The following GPR158 variants were observed in gnomAD, a reference collection of about 807,000 sequenced individuals.
GPR158 encodes metabotropic glycine receptor.
A neutral mutation model predicts 78.2 loss-of-function variants in GPR158; 30 were observed. The ratio of observed to expected loss-of-function variants is 0.38; its 90% confidence interval spans 0.29 to 0.52. The LOEUF is 0.52. Among genes scored for constraint, GPR158 ranks in the 20% least tolerant of loss-of-function variants. The probability of loss-of-function intolerance (pLI) is 0.83; values close to 1 mark genes in which losing one functional copy is unlikely to be tolerated. For synonymous variants in GPR158, 581 were observed against 591.1 expected, an observed-to-expected ratio of 0.98 and a Z score of 0.25; for missense variants, 1,463 against 1,523.5, an observed-to-expected ratio of 0.96 and a Z score of 0.66.
At chr10:25,341,863 CAG>C (rs1004395683) in intron 2 of GPR158, among the ~76,000 whole-genome samples, 5 of 151,310 alleles carry the variant, frequency 3.3e-5, no homozygotes, top group African/African-American at 4.9e-5. Flanking sequence ...CAAAAAAAAA[CAG>C]AGCAAATGAA....
intron 7 of GPR158, among the ~76,000 whole-genome samples, chr10:25,576,034 A>G (rs967407543): frequency 1.3e-5 from 2 of 151,286 alleles, no homozygotes; most frequent in Non-Finnish European, 3.0e-5. Flanking sequence ...CATTCATTGA[A>G]GACATTGAAG....
chr10:25,435,573 G>A (rs1305948802), intron 4 of GPR158, among the ~76,000 whole-genome samples: 1 of 152,192 alleles, frequency 6.6e-6, no homozygotes, highest in Non-Finnish European at 1.5e-5. Context: ...GAGTGGAGAG[G>A]TGAGTTTGGA....
At chr10:25,445,945 A>G (rs1043774781) in intron 4 of GPR158, among the ~76,000 whole-genome samples, 3 of 152,194 alleles carry the variant, frequency 2.0e-5, no homozygotes, top group African/African-American at 7.2e-5. Context: ...CTAGTTGGAG[A>G]AGTCAGAACT....
At chr10:25,502,474 G>A (rs1835955049) in intron 5 of GPR158, among the ~76,000 whole-genome samples, 1 of 152,188 alleles carries the variant, frequency 6.6e-6, no homozygotes, top group Admixed American at 6.5e-5. Context: ...AGCAATGTGA[G>A]TAAGGGGCAA....
Position 25,598,333 on chromosome 10 carries a change from C to T in GPR158, c.2707C>T (p.Leu903Phe), listed in dbSNP as rs1253318854. The T allele has an allele frequency of 6.2e-7, 1 of 1,613,970 alleles. No homozygotes were observed. Among genetic ancestry groups the T allele is most frequent in the Non-Finnish European group, 8.5e-7 (1 of 1,180,032 alleles). ...ACGAACATCGATGTTACAGAAGTCT[C>T]TCAGTGTCATAGCAAGCGCCAAGGA... ...HPRTSMLQKSLSVIASAKEKT... is the reference protein window; with the variant it reads ...HPRTSMLQKSFSVIASAKEKT... The change falls in exon 11 of 11, where the codon CTC becomes TTC. Residue 903 changes from leucine (L) to phenylalanine (F), a missense_variant. Leu to Phe is a conservative substitution (Grantham distance 22, BLOSUM62 0). Transcript: ENST00000376351.
At position 25,562,563 on chromosome 10, in the gene GPR158, T is replaced by C. The variant is rs193029734; in HGVS notation, c.1515-10086T>C. On this transcript the variant is annotated intron_variant, in intron 6 of 10. Coordinates refer to ENST00000376351, the MANE Select transcript of GPR158 (RefSeq NM_020752.3). ...TCGTTAAGAGTATTTTGTTTAATGT[T>C]TACTTATCTGTGAATTTCCCAGTGT... 4.5e-3 allele frequency among the ~76,000 whole-genome samples: 692 copies of C among 152,336 alleles called. 1 individual carries two copies. The highest frequency in any genetic ancestry group is 0.014 in the Middle Eastern group (4 of 294).
chr10:25,430,350 T>G (rs879728866), intron 4 of GPR158, among the ~76,000 whole-genome samples: 36 of 149,922 alleles, frequency 2.4e-4, no homozygotes, highest in African/African-American at 5.4e-4. Flanking sequence ...CACTGCTCAA[T>G]GAAATAAAAG....
intron 2 of GPR158, among the ~76,000 whole-genome samples, chr10:25,388,377 A>G (rs1189654619): frequency 6.6e-6 from 1 of 152,004 alleles, no homozygotes. Flanking sequence ...CCACCCTTGC[A>G]TGGCCAGGCA....
chr10:25,331,696 AC>A (rs1588803797), intron 2 of GPR158, among the ~76,000 whole-genome samples: 1 of 152,092 alleles, frequency 6.6e-6, no homozygotes, highest in East Asian at 1.9e-4. Context: ...GGCCTCTCTC[AC>A]CCCAGTCACT....
At chr10:25,272,567 G>T (rs1190627519) in intron 2 of GPR158, among the ~76,000 whole-genome samples, 1 of 152,142 alleles carries the variant, frequency 6.6e-6, no homozygotes. Context: ...ACAGAGAAAT[G>T]TCAGCTTTCT....
chr10:25,524,134 A>T (rs555759448), intron 5 of GPR158, among the ~76,000 whole-genome samples: 1 of 152,322 alleles, frequency 6.6e-6, no homozygotes, highest in East Asian at 1.9e-4. Context: ...TACAATGAAA[A>T]CTACAAAACA....
intron 5 of GPR158, among the ~76,000 whole-genome samples, chr10:25,475,221 GA>G (rs1835566255): frequency 6.6e-6 from 1 of 151,924 alleles, no homozygotes; most frequent in East Asian, 1.9e-4. Context: ...CGCATTAAAA[GA>G]AAAAGACTGT....
intron 5 of GPR158, among the ~76,000 whole-genome samples, chr10:25,494,237 T>A (rs968195660): frequency 6.6e-6 from 1 of 152,152 alleles, no homozygotes; most frequent in African/African-American, 2.4e-5. Flanking sequence ...CTAAATAATA[T>A]TGTTTTGGAT....
intron 2 of GPR158, among the ~76,000 whole-genome samples, chr10:25,348,394 A>AACACACACAC (rs1428933193): frequency 1.9e-4 from 19 of 101,372 alleles, no homozygotes; most frequent in African/African-American, 9.9e-4. Flanking sequence ...TTTAGGAAGA[A>AACACACACAC]AGACACACAC....
chr10:25,545,575 T>A (rs1190522347), intron 5 of GPR158, among the ~76,000 whole-genome samples: 1 of 152,318 alleles, frequency 6.6e-6, no homozygotes, highest in Admixed American at 6.5e-5. Context: ...ATATTTTTAA[T>A]GATAAAAAGT....
intron 4 of GPR158, among the ~76,000 whole-genome samples, chr10:25,426,249 A>G (rs759950070): frequency 2.0e-5 from 3 of 152,166 alleles, no homozygotes; most frequent in Non-Finnish European, 4.4e-5. Context: ...TGCTATCCAG[A>G]CCACTCAAAC....
intron 3 of GPR158, among the ~76,000 whole-genome samples, chr10:25,402,640 T>C (rs1385456897): frequency 6.6e-6 from 1 of 151,990 alleles, no homozygotes; most frequent in Non-Finnish European, 1.5e-5. Flanking sequence ...ATATGAATGG[T>C]AAAGTAAATA....
rs114465303 is a variant in GPR158, at chr10:25,273,068, C to A, written c.1008+51911C>A. Among the ~76,000 whole-genome samples the A allele has an allele frequency of 3.1e-3, 479 of 152,246 alleles. 3 individuals are homozygous for A. The highest frequency in any genetic ancestry group is 0.011 in the African/African-American group (464 of 41,540). On this transcript the variant is annotated intron_variant, in intron 2 of 10. Transcript: ENST00000376351. Reference sequence around the variant, plus strand: ...GGACTATAATCCAGATACTCTAATACCCAAGTCAATTTTTATGTCACTGCT... The same window carrying A: ...GGACTATAATCCAGATACTCTAATAACCAAGTCAATTTTTATGTCACTGCT...
In GPR158 at chr10:25,286,591, T is replaced by C. The variant is rs1220075681; in HGVS notation, c.1008+65434T>C. Reference sequence around the variant, plus strand: ...TAGCTCCTTAGATCACTTTGTGTCTTGACAGTGTTGTTGTTTTTTTTTATT... The same window carrying C: ...TAGCTCCTTAGATCACTTTGTGTCTCGACAGTGTTGTTGTTTTTTTTTATT... On this transcript the variant is annotated intron_variant, in intron 2 of 10. Transcript: ENST00000376351. 2.0e-5 allele frequency among the ~76,000 whole-genome samples: 3 copies of C among 151,806 alleles called. No homozygotes were observed. The Admixed American group carries it at 2.0e-4, about 10-fold the overall frequency.
Sources: allele counts gnomAD v4.1 joint callset (sites outside exome capture counted in the v4.1 genomes callset), GRCh38; gene constraint gnomAD v4.1.1; transcripts MANE v1.5; gene names NCBI Gene and HGNC (gene_info 2026-07-23, HGNC 2026-07-21).